CEP78: variants seen among roughly 807,000 people sequenced by gnomAD.
CEP78 encodes centrosomal protein 78, also known as centrosomal protein of 78 kDa.
CEP78 carries 76 observed loss-of-function variants against 81.2 expected under a neutral mutation model. The ratio of observed to expected loss-of-function variants is 0.94; its 90% CI spans 0.78 to 1.13. The LOEUF (loss-of-function observed/expected upper bound fraction) is 1.13. Ranked by LOEUF, CEP78 falls within the 50% of genes most tolerant of loss-of-function variation. The pLI is 0.00. For missense variants in CEP78, 918 were observed against 846.8 expected, an observed-to-expected ratio of 1.08 and a Z score of -1.04; for synonymous variants, 293 against 301.4, an observed-to-expected ratio of 0.97 and a Z score of 0.29.
In CEP78 at chr9:78,240,380, A is replaced by G; in HGVS notation, c.499+16A>G. 1 of 1,548,496 alleles carries G rather than the reference A, an allele frequency of 6.5e-7. No individual in the cohort carries two copies. The highest frequency in any genetic ancestry group is 8.8e-7 in the Non-Finnish European group (1 of 1,138,512). On this transcript the variant is annotated intron_variant, in intron 3 of 16. Coordinates refer to ENST00000643273, the MANE Select transcript of CEP78 (RefSeq NM_001330691.3). ...GGTTTAGAAAGTGAGTTTAAATCTC[A>G]TTTAACTCTTGTCCTATCAGGCTGG...
At chr9:78,265,592 A>G in intron 14 of CEP78, 49 bp downstream of exon 14, 1 of 1,473,900 alleles carries the variant, frequency 6.8e-7, no homozygotes, top group Non-Finnish European at 9.2e-7. Context: ...ATTAGCAAAA[A>G]AGGGAATTAC....
At chr9:78,250,168 T>C (rs184338142) in intron 8 of CEP78, 1 of 397,804 alleles carries the variant, frequency 2.5e-6, no homozygotes, top group Non-Finnish European at 4.4e-6. Flanking sequence ...AAATTGGAAA[T>C]GTGACTGAAG....
intron 8 of CEP78, among the ~76,000 whole-genome samples, chr9:78,250,618 A>G (rs1826712301): frequency 6.6e-6 from 1 of 152,084 alleles, no homozygotes; most frequent in Non-Finnish European, 1.5e-5. Flanking sequence ...GTGCACCTGT[A>G]ATCCAAGCTC....
chr9:78,251,179 A>G (rs1248065974), intron 8 of CEP78, among the ~76,000 whole-genome samples: 1 of 152,192 alleles, frequency 6.6e-6, no homozygotes, highest in African/African-American at 2.4e-5. Context: ...TTAAACTGAA[A>G]TGTAGGATAA....
At position 78,252,019 on chromosome 9, in the gene CEP78, C is replaced by T; in HGVS notation, c.1181C>T (p.Thr394Ile). ...PGVSGFLPWR[T>I]AERAKRHRGF... The stretch of plus-strand genomic sequence containing the variant: ...GTGTCTGGTTTCTTGCCGTGGCGTA[C>T]TGCAGAACGTGCAAAAAGACACAGG... Residue 394 changes from threonine to isoleucine, a missense_variant, in exon 9 of 17, where the codon ACT (threonine) becomes ATT (isoleucine). Thr to Ile is a moderately conservative substitution (Grantham distance 89). Transcript: ENST00000643273. 6.3e-7 allele frequency: 1 copy of T among 1,596,236 alleles called. No individual in the cohort carries two copies. The highest frequency in any genetic ancestry group is 8.6e-7 in the Non-Finnish European group (1 of 1,167,200).
chr9:78,236,181 G>C lies in CEP78; in HGVS notation c.-170G>C, dbSNP rs1262499969. 6.5e-6 allele frequency: 4 copies of C among 613,944 alleles called. No homozygotes were observed. The highest frequency in any genetic ancestry group is 3.3e-5 in the Admixed American group (1 of 30,316). 38.0% of individuals were successfully genotyped at this position (613,944 alleles called of 1,614,324 possible). A position where few individuals can be genotyped will look rare whatever the true frequency, so the allele number is the denominator to read the frequency against. On this transcript the variant is annotated 5_prime_UTR_variant, in exon 1 of 17. Coordinates refer to ENST00000643273, the MANE Select transcript of CEP78 (RefSeq NM_001330691.3). The stretch of plus-strand genomic sequence containing the variant: ...GGGCGTTGAGGGGCCGGCCTAGCTT[G>C]GGGCTCTGGCCTTGCGTCTTCCGAC...
chr9:78,246,906 ACTTT>A (rs1426066841), intron 6 of CEP78, 124 bp downstream of exon 6: 13 of 543,926 alleles, frequency 2.4e-5, no homozygotes, highest in East Asian at 6.6e-5. Context: ...GTAATCTTGC[ACTTT>A]CTTATGTTTT....
At position 78,265,464 on chromosome 9, in the gene CEP78, CTAAAGAAGAAAAGAAGGCGCT is replaced by C; in HGVS notation, c.1720_1740del (p.Lys574_Leu580del). 6.3e-7 allele frequency: 1 copy of C among 1,595,684 alleles called. No homozygotes were observed. The highest frequency in any genetic ancestry group is 1.7e-4 in the Middle Eastern group (1 of 6,046). On this transcript the variant is annotated inframe_deletion, in exon 14 of 17. Transcript: ENST00000643273. Reference sequence around the variant, plus strand: ...ATGACTTCTACTGTTAGTAATCCACCTAAAGAAGAAAAGAAGGCGCTTGAAGATGAAAAACCAGAACCGAAG... The same window carrying C: ...ATGACTTCTACTGTTAGTAATCCACCTGAAGATGAAAAACCAGAACCGAAG...
At position 78,268,133 on chromosome 9, in the gene CEP78, A is replaced by G. The variant is rs553785664; in HGVS notation, c.2107+1430A>G. 2.5e-3 allele frequency among the ~76,000 whole-genome samples: 388 copies of G among 152,278 alleles called. 1 individual carries two copies. Among genetic ancestry groups the G allele is most frequent in the Non-Finnish European group, 3.5e-3 (238 of 68,018 alleles). ...CAGTGTGGGGAAAAAGGAGGAGAGC[A>G]GTGGGGCCAAGAAAGGCCAACTAAA... On this transcript the variant is annotated intron_variant, in intron 16 of 16. Coordinates refer to ENST00000643273, the MANE Select transcript of CEP78 (RefSeq NM_001330691.3).
rs1259271334 is a variant in CEP78, at chr9:78,272,004, C to T, written c.*1153C>T. ...CACTGCAACCTCCTCGATCTCAGCTCACTGCAACCGTGAAGTGATCTTCCT... is the reference window on the plus strand; with the variant it reads ...CACTGCAACCTCCTCGATCTCAGCTTACTGCAACCGTGAAGTGATCTTCCT... On this transcript the variant is annotated 3_prime_UTR_variant, in exon 17 of 17. Transcript: ENST00000643273. 6.6e-6 allele frequency: 1 copy of T among 152,104 alleles called. No homozygotes were observed. The allele number at this position is 152,104 out of a possible 1,614,324, so 9.4% of individuals were successfully genotyped here. A position where few individuals can be genotyped will look rare whatever the true frequency, so the allele number is the denominator to read the frequency against.
In CEP78 at chr9:78,279,099, G is replaced by A. The variant is rs1444713797; in HGVS notation, c.*8248G>A. The A allele has an allele frequency of 6.7e-6, 1 of 149,558 alleles. No homozygotes were observed. The highest frequency in any genetic ancestry group is 2.5e-5 in the African/African-American group (1 of 40,376). 9.3% of individuals were successfully genotyped at this position (149,558 alleles called of 1,614,324 possible). A position where few individuals can be genotyped will look rare whatever the true frequency, so the allele number is the denominator to read the frequency against. The stretch of plus-strand genomic sequence containing the variant: ...AAAAAAAGGCAACCTTGGTAGTTTA[G>A]AAATAGATAAGGACCCACTTATAGA... On this transcript the variant is annotated 3_prime_UTR_variant, in exon 17 of 17. Coordinates refer to ENST00000643273, the MANE Select transcript of CEP78 (RefSeq NM_001330691.3).
chr9:78,266,042 C>G (rs1023636592), intron 15 of CEP78, 136 bp downstream of exon 15: 1 of 606,188 alleles, frequency 1.6e-6, no homozygotes, highest in African/African-American at 1.8e-5. Flanking sequence ...TGCTTTTCCT[C>G]TGGCCTTACT....
chr9:78,238,783 G>C (rs1214369502), intron 1 of CEP78, among the ~76,000 whole-genome samples: 1 of 152,080 alleles, frequency 6.6e-6, no homozygotes, highest in Non-Finnish European at 1.5e-5. Context: ...GGCCAGGTGC[G>C]GTGGCTCACA....
At chr9:78,238,161 T>C (rs912788004) in intron 1 of CEP78, among the ~76,000 whole-genome samples, 3 of 151,026 alleles carry the variant, frequency 2.0e-5, no homozygotes, top group Non-Finnish European at 2.9e-5. Context: ...ATTTCAGATA[T>C]CTAAGAGAAT....
intron 5 of CEP78, among the ~76,000 whole-genome samples, chr9:78,244,905 G>A (rs1454475975): frequency 6.6e-6 from 1 of 152,164 alleles, no homozygotes; most frequent in African/African-American, 2.4e-5. Flanking sequence ...TGTTAACAGA[G>A]TCTGCACATT....
intron 11 of CEP78, among the ~76,000 whole-genome samples, chr9:78,257,112 A>G (rs992701794): frequency 1.3e-5 from 2 of 152,100 alleles, no homozygotes; most frequent in Admixed American, 6.5e-5. Flanking sequence ...TTACAAAAAA[A>G]AAAACTATAA....
Position 78,272,425 on chromosome 9 carries a change from C to A in CEP78, c.*1574C>A, listed in dbSNP as rs1476378503. The A allele has an allele frequency of 1.3e-5, 2 of 152,220 alleles. No individual in the cohort carries two copies. Among genetic ancestry groups the A allele is most frequent in the Non-Finnish European group, 2.9e-5 (2 of 68,044 alleles). The allele number at this position is 152,220 out of a possible 1,614,324, so 9.4% of individuals were successfully genotyped here. ...TGACCTGCAAATCCCCTTTTATAATCACCAGAGGTGCCTGTAGTCAGAAAA... is the reference window on the plus strand; with the variant it reads ...TGACCTGCAAATCCCCTTTTATAATAACCAGAGGTGCCTGTAGTCAGAAAA... On this transcript the variant is annotated 3_prime_UTR_variant, in exon 17 of 17. Coordinates refer to ENST00000643273, the MANE Select transcript of CEP78 (RefSeq NM_001330691.3).
At chr9:78,251,192 C>G (rs1289627263) in intron 8 of CEP78, among the ~76,000 whole-genome samples, 1 of 152,002 alleles carries the variant, frequency 6.6e-6, no homozygotes, top group Non-Finnish European at 1.5e-5. Flanking sequence ...TAGGATAAGA[C>G]TTTATACTTC....
chr9:78,265,359 T>C lies in CEP78; in HGVS notation c.1626-13T>C. 1 of 1,566,546 alleles carries C rather than the reference T, an allele frequency of 6.4e-7. No individual in the cohort carries two copies. On this transcript the variant is annotated splice_polypyrimidine_tract_variant and intron_variant, in intron 13 of 16. Transcript: ENST00000643273. ...TAATCCTTGCCTTTTCCTCCTTTTC[T>C]TCTCTCGACCAGGCTTGGGCAGCTT...
Sources: allele counts gnomAD v4.1 joint callset (sites outside exome capture counted in the v4.1 genomes callset), GRCh38; gene constraint gnomAD v4.1.1; transcripts MANE v1.5; gene names NCBI Gene and HGNC (gene_info 2026-07-23, HGNC 2026-07-21).